The following CFAP47 variants were observed in gnomAD, a reference collection of about 807,000 sequenced individuals.
CFAP47 encodes cilia- and flagella-associated protein 47.
Under a neutral mutation model 148.1 loss-of-function variants are expected in CFAP47, and 29 were observed. The observed-to-expected ratio is 0.20, with a 90% confidence interval of 0.15 to 0.27. CFAP47 has a LOEUF of 0.27. Ranked by LOEUF, CFAP47 falls within the 10% of genes least tolerant of loss-of-function variation. The probability of loss-of-function intolerance (pLI) is 1.00; values close to 1 mark genes in which losing one functional copy is unlikely to be tolerated. For missense variants in CFAP47, 1,872 were observed against 1,697.5 expected (o/e 1.10, Z -1.81); for synonymous variants, 664 against 577.3 (o/e 1.15, Z -2.15).
chrX:35,958,037 C>A (rs1936271863), intron 8 of CFAP47, among the ~76,000 whole-genome samples: 1 of 111,218 alleles, frequency 9.0e-6, no homozygotes, highest in African/African-American at 3.3e-5. Flanking sequence ...ACAGTCATTC[C>A]CCTTCTCCTC....
intron 40 of CFAP47, among the ~76,000 whole-genome samples, chrX:36,184,800 G>T (rs1476032223): frequency 1.8e-5 from 2 of 110,480 alleles, no homozygotes; most frequent in African/African-American, 6.6e-5. Flanking sequence ...GGGTGTGGTG[G>T]CTCATGCCTG....
At chrX:36,331,287 T>G (rs1014218611) in intron 57 of CFAP47, among the ~76,000 whole-genome samples, 2 of 111,627 alleles carry the variant, frequency 1.8e-5, no homozygotes, top group Admixed American at 1.9e-4. Flanking sequence ...CATTGTTCAC[T>G]CTTCCTAAGT....
At chrX:36,193,096 C>T (rs909719874) in intron 42 of CFAP47, among the ~76,000 whole-genome samples, 1 of 111,935 alleles carries the variant, frequency 8.9e-6, no homozygotes, top group Admixed American at 9.5e-5. Context: ...TGATTCTTTC[C>T]ACTCTCAGTC....
At chrX:36,293,653 G>A (rs922831910) in intron 51 of CFAP47, among the ~76,000 whole-genome samples, 1 of 112,167 alleles carries the variant, frequency 8.9e-6, no homozygotes. Flanking sequence ...AGAGGGTCTG[G>A]GAAATGGAAT....
At chrX:36,188,058 G>A (rs6632511) in intron 40 of CFAP47, among the ~76,000 whole-genome samples, 11,511 of 111,281 alleles carry the variant, frequency 0.1, 570 homozygotes, top group East Asian at 0.25. Context: ...ATGGGTTCTG[G>A]AAGACCTGGA....
chrX:36,097,234 T>C (rs1938294476), intron 30 of CFAP47, among the ~76,000 whole-genome samples: 1 of 112,118 alleles, frequency 8.9e-6, no homozygotes, highest in Non-Finnish European at 1.9e-5. Context: ...TTTTGATTGA[T>C]TGATTACTTA....
At chrX:36,222,759 C>G (rs185218039) in intron 45 of CFAP47, among the ~76,000 whole-genome samples, 1 of 110,438 alleles carries the variant, frequency 9.1e-6, no homozygotes, top group East Asian at 2.9e-4. Flanking sequence ...AGCGCAAAAT[C>G]ACTTTTCCAG....
At chrX:35,958,866 G>A (rs1208725660) in intron 8 of CFAP47, among the ~76,000 whole-genome samples, 1 of 111,781 alleles carries the variant, frequency 8.9e-6, no homozygotes, top group East Asian at 2.8e-4. Flanking sequence ...TTTTCCAGGT[G>A]AACCCTATAT....
chrX:36,032,418 T>A (rs765901900), intron 23 of CFAP47, among the ~76,000 whole-genome samples: 17 of 110,405 alleles, frequency 1.5e-4, no homozygotes, highest in Non-Finnish European at 2.9e-4. Context: ...TTATGGAAGG[T>A]TAATTTGACT....
intron 37 of CFAP47, among the ~76,000 whole-genome samples, chrX:36,153,908 A>G (rs2146845030): frequency 8.9e-6 from 1 of 111,810 alleles, no homozygotes; most frequent in South Asian, 3.8e-4. Flanking sequence ...CCTTCTCCTT[A>G]AAATTATTCT....
chrX:36,218,125 C>G (rs1940177232), intron 45 of CFAP47, among the ~76,000 whole-genome samples: 1 of 111,966 alleles, frequency 8.9e-6, no homozygotes, highest in Non-Finnish European at 1.9e-5. Context: ...AAAATAAACT[C>G]TGTTCAAAAC....
intron 1 of CFAP47, among the ~76,000 whole-genome samples, chrX:35,923,933 G>A (rs868733903): frequency 1.5e-5 from 1 of 65,467 alleles, no homozygotes; most frequent in Non-Finnish European, 2.4e-5. Context: ...ATATATATGT[G>A]TATATATGTA....
At chrX:36,309,886 G>A (rs1210353074) in intron 55 of CFAP47, among the ~76,000 whole-genome samples, 1 of 110,953 alleles carries the variant, frequency 9.0e-6, no homozygotes, top group African/African-American at 3.3e-5. Context: ...TCAAATCTGT[G>A]ACTAATAGTA....
chrX:36,309,203 G>T (rs192282401), intron 55 of CFAP47, among the ~76,000 whole-genome samples: 2,253 of 110,451 alleles, frequency 0.02, 20 homozygotes, highest in Non-Finnish European at 0.03. Flanking sequence ...TTGATTGTAT[G>T]ATTTGTTTCA....
chrX:36,351,017 A>C (rs6632582), intron 59 of CFAP47, among the ~76,000 whole-genome samples: 11,746 of 111,202 alleles, frequency 0.11, 519 homozygotes, highest in East Asian at 0.25. Context: ...CCCTCTGATA[A>C]CAATCTTTGT....
At chrX:35,994,691 T>TA (rs1026466205) in intron 18 of CFAP47, among the ~76,000 whole-genome samples, 1 of 110,528 alleles carries the variant, frequency 9.0e-6, no homozygotes, top group African/African-American at 3.3e-5. Flanking sequence ...CTGGGAAAAA[T>TA]AAAAAAAATG....
intron 39 of CFAP47, among the ~76,000 whole-genome samples, chrX:36,161,250 TTAAAG>T (rs1939426946): frequency 9.0e-6 from 1 of 111,729 alleles, no homozygotes; most frequent in African/African-American, 3.2e-5. Flanking sequence ...AAACAGCTAA[TTAAAG>T]TAAATCAGTT....
chrX:35,975,563 T>C (rs1936557345), intron 14 of CFAP47, 109 bp from the exon 15 acceptor site: 3 of 826,382 alleles, frequency 3.6e-6, no homozygotes, highest in East Asian at 6.5e-5. Flanking sequence ...TATTACGTGC[T>C]AAGAATTGTG....
intron 45 of CFAP47, among the ~76,000 whole-genome samples, chrX:36,225,730 G>A (rs964674226): frequency 1.8e-5 from 2 of 111,357 alleles, no homozygotes; most frequent in Non-Finnish European, 3.8e-5. Context: ...TGTACTTCTT[G>A]CACGTGCAGA....
Sources: gnomAD v4.1 joint callset for allele counts (sites outside exome capture counted in the v4.1 genomes callset) on GRCh38, gnomAD v4.1.1 for gene constraint, MANE v1.5 for transcripts, NCBI Gene and HGNC (gene_info 2026-07-23, HGNC 2026-07-21) for gene names.